SCAPER: variants seen among roughly 807,000 people sequenced by gnomAD.
SCAPER encodes S phase cyclin A-associated protein in the endoplasmic reticulum.
SCAPER carries 98 observed loss-of-function variants against 182.2 expected under a neutral mutation model. The observed-to-expected ratio is 0.54, with a 90% CI of 0.46 to 0.64. The LOEUF is 0.64. SCAPER is among the 30% of genes least tolerant of loss of function. SCAPER has a pLI of 0.00. For missense variants in SCAPER, 1,432 were observed against 1,690.0 expected, an observed-to-expected ratio of 0.85 and a Z score of 2.68; for synonymous variants, 605 against 564.6, an observed-to-expected ratio of 1.07 and a Z score of -1.01.
chr15:76,550,724 T>G (rs541734395), intron 23 of SCAPER, among the ~76,000 whole-genome samples: 1 of 152,368 alleles, frequency 6.6e-6, no homozygotes, highest in Non-Finnish European at 1.5e-5. Context: ...ATGGGACTGC[T>G]GGGTCAAATG....
chr15:76,436,311 G>C (rs564605357), intron 25 of SCAPER, among the ~76,000 whole-genome samples: 18 of 152,280 alleles, frequency 1.2e-4, no homozygotes, highest in African/African-American at 4.1e-4. Context: ...CAGGTGATCT[G>C]TCCACCTTGG....
intron 25 of SCAPER, among the ~76,000 whole-genome samples, chr15:76,436,461 G>A (rs1051244004): frequency 6.6e-6 from 1 of 151,922 alleles, no homozygotes; most frequent in African/African-American, 2.4e-5. Context: ...TGCTTCTTTG[G>A]AGACTTCCTT....
chr15:76,380,337 A>T (rs1422001329), intron 28 of SCAPER: 1 of 152,174 alleles, frequency 6.6e-6, no homozygotes, highest in East Asian at 1.9e-4. Flanking sequence ...ATTAACCCAA[A>T]GGAAGGGATT....
At chr15:76,751,099 T>C (rs1274696541) in intron 15 of SCAPER, among the ~76,000 whole-genome samples, 1 of 151,378 alleles carries the variant, frequency 6.6e-6, no homozygotes, top group Non-Finnish European at 1.5e-5. Flanking sequence ...CAAGGAACAA[T>C]CTGAAAAGGA....
At chr15:76,433,992 T>G (rs913992621) in intron 26 of SCAPER, 86 bp downstream of exon 26, 1 of 1,087,552 alleles carries the variant, frequency 9.2e-7, no homozygotes, top group Non-Finnish European at 1.3e-6. Flanking sequence ...TGAGAACCAC[T>G]GCCATCACAT....
chr15:76,813,152 T>C (rs1054326989), intron 5 of SCAPER, among the ~76,000 whole-genome samples: 4 of 138,670 alleles, frequency 2.9e-5, no homozygotes, highest in African/African-American at 1.1e-4. Context: ...AGCACAATGA[T>C]AGGCAAGAAA....
intron 25 of SCAPER, among the ~76,000 whole-genome samples, chr15:76,440,918 G>GTTTTTTTTTTTTTT (rs1187911987): frequency 4.8e-5 from 3 of 62,654 alleles, no homozygotes; most frequent in African/African-American, 1.9e-4. Context: ...TTTTTTTTTT[G>GTTTTTTTTTTTTTT]TTTTTTTTTT....
At chr15:76,770,059 A>G (rs1214008121) in intron 10 of SCAPER, among the ~76,000 whole-genome samples, 3 of 152,274 alleles carry the variant, frequency 2.0e-5, no homozygotes, top group East Asian at 3.9e-4. Flanking sequence ...TTGCAGGGAC[A>G]TGGATGAAGC....
intron 17 of SCAPER, among the ~76,000 whole-genome samples, chr15:76,722,418 G>C (rs1226459337): frequency 3.9e-5 from 6 of 152,186 alleles, no homozygotes; most frequent in Non-Finnish European, 8.8e-5. Flanking sequence ...CTAGGCTTTG[G>C]TATCAGGATG....
chr15:76,765,096 A>G, intron 13 of SCAPER, 24 bp from the exon 14 acceptor site: 1 of 1,463,776 alleles, frequency 6.8e-7, no homozygotes, highest in Non-Finnish European at 9.3e-7. Context: ...CAAATGGACA[A>G]GAGACATGAA....
At chr15:76,806,010 T>C (rs2066136256) in intron 5 of SCAPER, among the ~76,000 whole-genome samples, 1 of 152,228 alleles carries the variant, frequency 6.6e-6, no homozygotes, top group African/African-American at 2.4e-5. Context: ...CTGACAAACA[T>C]CTTGTCCCAT....
chr15:76,772,509 T>C (rs2063526707), intron 9 of SCAPER, among the ~76,000 whole-genome samples: 1 of 152,006 alleles, frequency 6.6e-6, no homozygotes, highest in Non-Finnish European at 1.5e-5. Context: ...TAAAAATTCA[T>C]ATGGTACATG....
At chr15:76,802,945 TTTCTAGAGTATC>T (rs2065900467) in intron 6 of SCAPER, among the ~76,000 whole-genome samples, 1 of 152,218 alleles carries the variant, frequency 6.6e-6, no homozygotes, top group Non-Finnish European at 1.5e-5. Flanking sequence ...TGATTATCTA[TTTCTAGAGTATC>T]TAATTCTCCC....
chr15:76,469,969 C>T (rs937042333), intron 25 of SCAPER, among the ~76,000 whole-genome samples: 1 of 151,838 alleles, frequency 6.6e-6, no homozygotes, highest in Non-Finnish European at 1.5e-5. Flanking sequence ...TATAATGTAG[C>T]CTTTGATGAC....
chr15:76,812,350 A>G (rs1042133216), intron 5 of SCAPER, among the ~76,000 whole-genome samples: 5 of 151,888 alleles, frequency 3.3e-5, no homozygotes, highest in Non-Finnish European at 7.4e-5. Flanking sequence ...TTAGCTGGAC[A>G]TGGTGGCATG....
At chr15:76,519,658 T>C (rs2042692748) in intron 23 of SCAPER, among the ~76,000 whole-genome samples, 1 of 152,196 alleles carries the variant, frequency 6.6e-6, no homozygotes, top group South Asian at 2.1e-4. Flanking sequence ...GTTTGGATCT[T>C]AACTCCTCCT....
chr15:76,752,015 C>T (rs946031278), intron 15 of SCAPER, among the ~76,000 whole-genome samples: 1 of 150,664 alleles, frequency 6.6e-6, no homozygotes, highest in African/African-American at 2.4e-5. Flanking sequence ...AGAATATATA[C>T]AGAAGTCTTA....
chr15:76,361,613 C>A (rs1279909819), intron 29 of SCAPER, among the ~76,000 whole-genome samples: 1 of 152,136 alleles, frequency 6.6e-6, no homozygotes, highest in Non-Finnish European at 1.5e-5. Flanking sequence ...GGAAGAAGCA[C>A]CAGCTGACAT....
chr15:76,446,114 C>T (rs1044023640), intron 25 of SCAPER, among the ~76,000 whole-genome samples: 1 of 152,186 alleles, frequency 6.6e-6, no homozygotes, highest in African/African-American at 2.4e-5. Flanking sequence ...ACACAACACT[C>T]TCACAAATCA....
Sources: allele counts gnomAD v4.1 joint callset (sites outside exome capture counted in the v4.1 genomes callset), GRCh38; gene constraint gnomAD v4.1.1; transcripts MANE v1.5; gene names NCBI Gene and HGNC (gene_info 2026-07-23, HGNC 2026-07-21).